The following PRKD1 variants were observed in gnomAD, a reference collection of about 807,000 sequenced individuals.
PRKD1 encodes the protein serine/threonine-protein kinase D1.
A neutral mutation model predicts 95.9 loss-of-function variants in PRKD1; 63 were observed. That is an observed-to-expected ratio of 0.66 (90% CI 0.54 to 0.81). The LOEUF is 0.81. Ranked by LOEUF, PRKD1 falls within the 30% of genes least tolerant of loss-of-function variation. PRKD1 has a pLI of 0.00. For synonymous variants in PRKD1, 425 were observed against 423.1 expected (o/e 1.00, Z -0.05); for missense variants, 1,048 against 1,165.3 (o/e 0.90, Z 1.47).
intron 1 of PRKD1, among the ~76,000 whole-genome samples, chr14:29,856,619 C>A (rs920243393): frequency 7.2e-5 from 11 of 152,164 alleles, no homozygotes; most frequent in Non-Finnish European, 1.5e-5. Flanking sequence ...GAGTTCAATG[C>A]ACTAACTGAC....
intron 2 of PRKD1, among the ~76,000 whole-genome samples, chr14:29,681,144 T>C (rs1329412257): frequency 5.9e-5 from 9 of 152,222 alleles, no homozygotes; most frequent in Admixed American, 3.3e-4. Flanking sequence ...AACGCTTGTG[T>C]TGTTTTAAGC....
At chr14:29,742,146 T>G (rs180894766) in intron 1 of PRKD1, among the ~76,000 whole-genome samples, 1 of 152,326 alleles carries the variant, frequency 6.6e-6, no homozygotes, top group East Asian at 1.9e-4. Flanking sequence ...TCATTTACTT[T>G]GATGTTCCTT....
At chr14:29,684,639 C>A (rs1883747537) in intron 2 of PRKD1, among the ~76,000 whole-genome samples, 1 of 152,120 alleles carries the variant, frequency 6.6e-6, no homozygotes, top group Non-Finnish European at 1.5e-5. Context: ...GCAGAAATGT[C>A]CCCAGCTATA....
At chr14:29,768,720 AAAC>A (rs1555342942) in intron 1 of PRKD1, among the ~76,000 whole-genome samples, 28 of 151,822 alleles carry the variant, frequency 1.8e-4, no homozygotes, top group Admixed American at 1.6e-3. Flanking sequence ...AAAAAAAAAA[AAAC>A]AACCAAAGCA....
intron 1 of PRKD1, among the ~76,000 whole-genome samples, chr14:29,775,452 G>A (rs1023496137): frequency 1.3e-5 from 2 of 152,202 alleles, no homozygotes; most frequent in Non-Finnish European, 2.9e-5. Context: ...CCACCCTAAT[G>A]CTGCGCTTTT....
At chr14:29,853,416 A>G (rs1892379870) in intron 1 of PRKD1, among the ~76,000 whole-genome samples, 1 of 152,208 alleles carries the variant, frequency 6.6e-6, no homozygotes, top group African/African-American at 2.4e-5. Context: ...CAAAATAAAC[A>G]AACTTATCAA....
At chr14:29,757,387 C>T (rs938522493) in intron 1 of PRKD1, among the ~76,000 whole-genome samples, 2 of 152,118 alleles carry the variant, frequency 1.3e-5, no homozygotes, top group Non-Finnish European at 2.9e-5. Flanking sequence ...CCTAGCCCCA[C>T]CTGAAGGTTA....
chr14:29,898,023 G>T (rs562508340), intron 1 of PRKD1, among the ~76,000 whole-genome samples: 2 of 151,800 alleles, frequency 1.3e-5, no homozygotes, highest in African/African-American at 4.8e-5. Flanking sequence ...TAAAAACAAC[G>T]CATCCTAAAA....
rs528702304 is a variant in PRKD1 at position 29,725,803 on chromosome 14, A to C, written c.265-129T>G. 6 of 881,622 alleles carry C rather than the reference A, an allele frequency of 6.8e-6. 1 individual carries two copies. In the South Asian group the frequency reaches 1.6e-4, roughly 24 times the overall value. The allele number at this position is 881,622 out of a possible 1,614,324, so 54.6% of individuals were successfully genotyped here. On this transcript the variant is annotated intron_variant, in intron 1 of 17. Transcript: ENST00000331968. Reference sequence around the variant, plus strand: ...GTATCTAGATCATTAAAATATTTTAAAATTAAAAAATAAATAAATGGTAGA... The same window carrying C: ...GTATCTAGATCATTAAAATATTTTACAATTAAAAAATAAATAAATGGTAGA...
intron 1 of PRKD1, among the ~76,000 whole-genome samples, chr14:29,731,846 T>G (rs923910020): frequency 1.3e-5 from 2 of 152,016 alleles, no homozygotes; most frequent in African/African-American, 4.8e-5. Context: ...CTCATCTTTT[T>G]GTGCAGTCTG....
At chr14:29,855,159 C>T (rs1247711141) in intron 1 of PRKD1, among the ~76,000 whole-genome samples, 1 of 152,162 alleles carries the variant, frequency 6.6e-6, no homozygotes, top group Non-Finnish European at 1.5e-5. Context: ...CCACCATCCT[C>T]CAGACCCCAG....
At chr14:29,691,722 G>GT (rs1298988769) in intron 2 of PRKD1, among the ~76,000 whole-genome samples, 1 of 152,150 alleles carries the variant, frequency 6.6e-6, no homozygotes, top group African/African-American at 2.4e-5. Flanking sequence ...ACTAGGGCTG[G>GT]TGCTTTGAGG....
chr14:29,626,449 T>C, intron 12 of PRKD1, 35 bp downstream of exon 12: 1 of 1,546,902 alleles, frequency 6.5e-7, no homozygotes, highest in Non-Finnish European at 8.9e-7. Flanking sequence ...AGCAAAAATT[T>C]TAAGTTCATA....
intron 1 of PRKD1, among the ~76,000 whole-genome samples, chr14:29,834,256 G>A (rs1414997093): frequency 6.6e-6 from 1 of 152,094 alleles, no homozygotes; most frequent in Non-Finnish European, 1.5e-5. Flanking sequence ...CATCCAGGTT[G>A]TGATCTGGGC....
intron 1 of PRKD1, among the ~76,000 whole-genome samples, chr14:29,908,781 C>T (rs188574498): frequency 6.6e-6 from 1 of 152,266 alleles, no homozygotes; most frequent in East Asian, 1.9e-4. Context: ...AGGAAGATAT[C>T]GAGTAAGAAC....
At chr14:29,713,771 A>G (rs1306196722) in intron 2 of PRKD1, among the ~76,000 whole-genome samples, 2 of 152,146 alleles carry the variant, frequency 1.3e-5, no homozygotes, top group Non-Finnish European at 2.9e-5. Flanking sequence ...ATGATTTTAC[A>G]AAAGCCTTAT....
chr14:29,648,182 G>A (rs995975094), intron 4 of PRKD1, among the ~76,000 whole-genome samples: 2 of 121,714 alleles, frequency 1.6e-5, no homozygotes, highest in African/African-American at 8.7e-5. Context: ...ATGCCTTACA[G>A]CTAAACTTTT....
rs201588226 is a variant in PRKD1 at position 29,609,501 on chromosome 14, TGC to T, written c.1906-9686_1906-9685del. Reference sequence around the variant, plus strand: ...GAGGACTAATCTATTTGTGTGTGTGTGCGTGCACACACACACACACACACACA... The same window carrying T: ...GAGGACTAATCTATTTGTGTGTGTGTGTGCACACACACACACACACACACA... On this transcript the variant is annotated intron_variant, in intron 13 of 17. Transcript: ENST00000331968. Among the ~76,000 whole-genome samples the T allele has an allele frequency of 6.1e-5, 5 of 82,486 alleles. 1 individual carries two copies. The Admixed American group carries it at 7.8e-4, about 13-fold the overall frequency. 54.1% of individuals were successfully genotyped at this position (82,486 alleles called of 152,430 possible).
At chr14:29,581,204 C>A (rs1271662363) in intron 16 of PRKD1, among the ~76,000 whole-genome samples, 21 of 152,088 alleles carry the variant, frequency 1.4e-4, no homozygotes, top group Admixed American at 1.4e-3. Context: ...GATCTTTCAG[C>A]CTGCTTAGTC....
Sources: gnomAD v4.1 joint callset for allele counts (sites outside exome capture counted in the v4.1 genomes callset) on GRCh38, gnomAD v4.1.1 for gene constraint, MANE v1.5 for transcripts, NCBI Gene and HGNC (gene_info 2026-07-23, HGNC 2026-07-21) for gene names.